ARHGEF7: variants seen among roughly 807,000 people sequenced by gnomAD.
ARHGEF7 encodes PAK-interacting exchange factor beta.
ARHGEF7 carries 33 observed loss-of-function variants against 109.8 expected under a neutral mutation model. The ratio of observed to expected loss-of-function variants is 0.30; its 90% CI spans 0.23 to 0.40. The LOEUF is 0.40. Ranked by LOEUF, ARHGEF7 falls within the 10% of genes least tolerant of loss-of-function variation. The pLI, the probability that ARHGEF7 is intolerant of heterozygous loss-of-function variation, is 1.00. For synonymous variants in ARHGEF7, 458 were observed against 424.6 expected (o/e 1.08, Z -0.97); for missense variants, 938 against 1,098.5 (o/e 0.85, Z 2.07).
At chr13:111,166,054 T>C (rs2077099532) in intron 2 of ARHGEF7, among the ~76,000 whole-genome samples, 1 of 152,174 alleles carries the variant, frequency 6.6e-6, no homozygotes, top group Admixed American at 6.5e-5. Context: ...ATCTTCCTTT[T>C]ACTAACCCCA....
At chr13:111,286,376 A>G in intron 17 of ARHGEF7, 136 bp downstream of exon 17, 1 of 710,446 alleles carries the variant, frequency 1.4e-6, no homozygotes, top group Non-Finnish European at 2.5e-6. Context: ...TGAGGCAGTG[A>G]TAGGAATAAG....
At chr13:111,294,330 C>G (rs1567118859) in intron 19 of ARHGEF7, 1 of 985,348 alleles carries the variant, frequency 1.0e-6, no homozygotes. Flanking sequence ...CCTTTGCCTT[C>G]TCGTAGGCGT....
At chr13:111,240,286 C>A (rs953864658) in intron 6 of ARHGEF7, among the ~76,000 whole-genome samples, 12 of 152,218 alleles carry the variant, frequency 7.9e-5, no homozygotes, top group African/African-American at 2.9e-4. Context: ...ACCCCAAGAC[C>A]TGTGAATCTC....
intron 2 of ARHGEF7, among the ~76,000 whole-genome samples, chr13:111,195,870 G>A (rs9560005): frequency 0.012 from 1,902 of 152,260 alleles, 133 homozygotes; most frequent in Admixed American, 0.1. Context: ...CATGACTAAG[G>A]CTGCTGCCTT....
In ARHGEF7 at chr13:111,283,194, C is replaced by A. The variant is rs373754333; in HGVS notation, c.1781C>A (p.Pro594Gln). ...SSKHADSKPA[P>Q]LTPAYHTLPH... ...AAGCACGCAGACAGCAAGCCCGCGCCGCTGACGCCCGCCTACCACACGCTG... is the reference window on the plus strand; with the variant it reads ...AAGCACGCAGACAGCAAGCCCGCGCAGCTGACGCCCGCCTACCACACGCTG... Residue 594 changes from proline to glutamine, a missense_variant, in exon 16 of 22, where the codon CCG (proline) becomes CAG (glutamine). Around this residue, in one of 4 missense-constraint regions of ARHGEF7, gnomAD observed 585 missense variants for 723.6 expected, o/e 0.81. Coordinates refer to ENST00000646102, the MANE Select transcript of ARHGEF7 (RefSeq NM_001354046.2). 1 of 1,596,536 alleles carries A rather than the reference C, an allele frequency of 6.3e-7. No homozygotes were observed. Among genetic ancestry groups the A allele is most frequent in the South Asian group, 1.1e-5 (1 of 88,222 alleles).
At chr13:111,125,385 C>CT (rs34548328) in intron 1 of ARHGEF7, among the ~76,000 whole-genome samples, 102,923 of 143,970 alleles carry the variant, frequency 0.71, 36,522 homozygotes, top group Admixed American at 0.78. Context: ...CTTGGAGCAG[C>CT]TTTTTTTTTT....
Position 111,131,925 on chromosome 13 carries a change from A to G in ARHGEF7, c.165+16234A>G, listed in dbSNP as rs1157555669. 6.6e-6 allele frequency among the ~76,000 whole-genome samples: 1 copy of G among 152,166 alleles called. No homozygotes were observed. Among genetic ancestry groups the G allele is most frequent in the Non-Finnish European group, 1.5e-5 (1 of 68,030 alleles). On this transcript the variant is annotated intron_variant, in intron 1 of 21. Coordinates refer to ENST00000646102, the MANE Select transcript of ARHGEF7 (RefSeq NM_001354046.2). This position sits in a 1 kb window ranked among gnomAD's most constrained non-coding sequence, Gnocchi z 4.4. ...CAGAGGGGAGTGGAAATGTTGGAATAGAGTTGTGGAGTATGAGAGAGGGGT... is the reference window on the plus strand; with the variant it reads ...CAGAGGGGAGTGGAAATGTTGGAATGGAGTTGTGGAGTATGAGAGAGGGGT...
At position 111,205,343 on chromosome 13, in the gene ARHGEF7, T is replaced by G. The variant is rs374898780; in HGVS notation, c.307T>G (p.Ser103Ala). 12 of 1,601,274 alleles carry G rather than the reference T, an allele frequency of 7.5e-6. No homozygotes were observed. The African/African-American group carries it at 1.5e-4, about 20-fold the overall frequency. ...QGQNFNKVLSSLVTLNKVTAD... is the reference protein window; with the variant it reads ...QGQNFNKVLSALVTLNKVTAD... Reference sequence around the variant, plus strand: ...GCAGAATTTTAACAAGGTCCTCAGTTCCTTAGTGACTCTAAATAAAGTAAC... The same window carrying G: ...GCAGAATTTTAACAAGGTCCTCAGTGCCTTAGTGACTCTAAATAAAGTAAC... Residue 103 changes from serine (S) to alanine (A), a missense_variant, in exon 3 of 22, where the codon TCC becomes GCC. This residue lies in a region of ARHGEF7 where 585 missense variants were observed against 723.6 expected (regional missense o/e 0.81). Coordinates refer to ENST00000646102, the MANE Select transcript of ARHGEF7 (RefSeq NM_001354046.2).
intron 18 of ARHGEF7, among the ~76,000 whole-genome samples, chr13:111,289,038 T>G (rs59209997): frequency 0.021 from 3,259 of 152,228 alleles, 119 homozygotes; most frequent in African/African-American, 0.075. Flanking sequence ...GTGGCTTTTT[T>G]TTTTCTTTTT....
chr13:111,178,607 C>T (rs2078401482), intron 2 of ARHGEF7, among the ~76,000 whole-genome samples: 1 of 152,208 alleles, frequency 6.6e-6, no homozygotes, highest in African/African-American at 2.4e-5. Context: ...GAGTTTCTGA[C>T]TGAGTTAGCT....
intron 8 of ARHGEF7, among the ~76,000 whole-genome samples, chr13:111,244,674 C>T (rs955595376): frequency 1.3e-5 from 2 of 152,330 alleles, no homozygotes; most frequent in African/African-American, 2.4e-5. Flanking sequence ...CAATATCCTG[C>T]AGCTTGCCTG....
chr13:111,280,454 G>T (rs1000950407), intron 14 of ARHGEF7, 84 bp from the exon 15 acceptor site: 1 of 1,581,840 alleles, frequency 6.3e-7, no homozygotes, highest in Non-Finnish European at 8.6e-7. Context: ...GTGTTTAAGC[G>T]CTGAGTGGAA....
intron 2 of ARHGEF7, 76 bp downstream of exon 2, chr13:111,154,067 G>A (rs1009644915): frequency 1.1e-5 from 16 of 1,403,698 alleles, no homozygotes; most frequent in Non-Finnish European, 4.7e-6. Flanking sequence ...CTTCGCTCCA[G>A]CCGGACCTCC....
At chr13:111,139,291 G>A (rs991745852) in intron 1 of ARHGEF7, among the ~76,000 whole-genome samples, 39 of 152,250 alleles carry the variant, frequency 2.6e-4, no homozygotes, top group Non-Finnish European at 4.9e-4. Context: ...GTGTGGGAAC[G>A]ACAGCAGGAT....
At chr13:111,264,649 TC>T (rs2091434107) in intron 8 of ARHGEF7, among the ~76,000 whole-genome samples, 1 of 152,086 alleles carries the variant, frequency 6.6e-6, no homozygotes, top group African/African-American at 2.4e-5. Context: ...CAGACAGAGA[TC>T]AAAGGAGAGC....
chr13:111,239,799 A>G lies in ARHGEF7; in HGVS notation c.760-4073A>G, dbSNP rs917412135. On this transcript the variant is annotated intron_variant, in intron 6 of 21. Transcript: ENST00000646102. The surrounding 1 kb of genome is among the most constrained non-coding windows in gnomAD (Gnocchi z 4.3). ...TGCTGTATCTGGACTAAGATGATAC[A>G]GATGAAGGTTGTCAGGTAGGCACTA... 6.6e-6 allele frequency among the ~76,000 whole-genome samples: 1 copy of G among 152,144 alleles called. No individual in the cohort carries two copies. Among genetic ancestry groups the G allele is most frequent in the Admixed American group, 6.5e-5 (1 of 15,268 alleles).
intron 1 of ARHGEF7, among the ~76,000 whole-genome samples, chr13:111,118,697 G>A (rs1269905579): frequency 6.6e-6 from 1 of 152,172 alleles, no homozygotes; most frequent in African/African-American, 2.4e-5. Flanking sequence ...CAAGATACAT[G>A]AATTGTAGAG....
chr13:111,175,973 A>G (rs2078120354), intron 2 of ARHGEF7, among the ~76,000 whole-genome samples: 2 of 152,142 alleles, frequency 1.3e-5, no homozygotes, highest in African/African-American at 4.8e-5. Context: ...AAACCATCAG[A>G]TCTTGTGAGA....
At chr13:111,222,167 C>T (rs2084524768) in intron 5 of ARHGEF7, among the ~76,000 whole-genome samples, 1 of 152,154 alleles carries the variant, frequency 6.6e-6, no homozygotes, top group Non-Finnish European at 1.5e-5. Flanking sequence ...GTCCTTCAAT[C>T]CAATCAAGTT....
Sources: gnomAD v4.1 joint callset for allele counts (sites outside exome capture counted in the v4.1 genomes callset) on GRCh38, gnomAD v4.1.1 for gene constraint, gnomAD v4.1.1 regional missense constraint, Gnocchi (gnomAD v3.1) non-coding constraint, MANE v1.5 for transcripts, NCBI Gene and HGNC (gene_info 2026-07-23, HGNC 2026-07-21) for gene names.